Variants in APBA1 observed in about 807,000 individuals in gnomAD.
APBA1 encodes amyloid-beta A4 precursor protein-binding family A member 1.
A neutral mutation model predicts 86.6 loss-of-function variants in APBA1; 55 were observed. The observed-to-expected ratio is 0.64, with a 90% CI of 0.51 to 0.80. The LOEUF is 0.80. Among genes scored for constraint, APBA1 ranks in the 30% least tolerant of loss-of-function variants. APBA1 has a pLI of 0.00. For missense variants in APBA1, 1,090 were observed against 1,183.0 expected (o/e 0.92, Z 1.15); for synonymous variants, 511 against 493.9 (o/e 1.03, Z -0.46).
chr9:69,576,064 T>G (rs913881468), intron 1 of APBA1, among the ~76,000 whole-genome samples: 1 of 152,122 alleles, frequency 6.6e-6, no homozygotes, highest in African/African-American at 2.4e-5. Context: ...AACAGACACT[T>G]CTCAAAAGAA....
chr9:69,654,007 T>G, intron 1 of APBA1, among the ~76,000 whole-genome samples: 1 of 148,918 alleles, frequency 6.7e-6, no homozygotes, highest in East Asian at 2.0e-4. Context: ...CCTGGCTACA[T>G]GGGAAGCTGA....
chr9:69,590,868 G>A (rs965021972), intron 1 of APBA1, among the ~76,000 whole-genome samples: 1 of 152,204 alleles, frequency 6.6e-6, no homozygotes, highest in African/African-American at 2.4e-5. Flanking sequence ...TATTCTGCAT[G>A]TTTTAATCTT....
chr9:69,612,842 T>C (rs1298331841), intron 1 of APBA1, among the ~76,000 whole-genome samples: 1 of 152,026 alleles, frequency 6.6e-6, no homozygotes, highest in African/African-American at 2.4e-5. Flanking sequence ...AGAAAGAGGA[T>C]AGAAATGAAC....
chr9:69,551,852 T>C (rs1836790273), intron 1 of APBA1, among the ~76,000 whole-genome samples: 2 of 152,222 alleles, frequency 1.3e-5, no homozygotes, highest in Non-Finnish European at 2.9e-5. Context: ...TAATCTTCGC[T>C]GTACAGACAG....
At chr9:69,603,573 T>C (rs1822398307) in intron 1 of APBA1, among the ~76,000 whole-genome samples, 1 of 152,244 alleles carries the variant, frequency 6.6e-6, no homozygotes, top group Non-Finnish European at 1.5e-5. Flanking sequence ...CATATCTTTA[T>C]ACATAAATAC....
At chr9:69,522,655 A>G (rs1483814081) in intron 1 of APBA1, among the ~76,000 whole-genome samples, 1 of 152,258 alleles carries the variant, frequency 6.6e-6, no homozygotes, top group East Asian at 1.9e-4. Flanking sequence ...ATACAAAAGC[A>G]GCCCAGAGTT....
rs1564077235 is a variant in APBA1, at chr9:69,559,913, A to G, written c.-69-42634T>C. Reference sequence around the variant, plus strand: ...CCAACATACATCTTTCCATTGAGACAATCTCCCCCAAGCATCTGCATCACT... The same window carrying G: ...CCAACATACATCTTTCCATTGAGACGATCTCCCCCAAGCATCTGCATCACT... On this transcript the variant is annotated intron_variant, in intron 1 of 12. Coordinates refer to ENST00000265381, the MANE Select transcript of APBA1 (RefSeq NM_001163.4). 2.6e-5 allele frequency among the ~76,000 whole-genome samples: 4 copies of G among 152,276 alleles called. No homozygotes were observed. The East Asian group carries it at 7.7e-4, about 29-fold the overall frequency.
chr9:69,588,754 G>A (rs1415519809), intron 1 of APBA1, among the ~76,000 whole-genome samples: 1 of 152,120 alleles, frequency 6.6e-6, no homozygotes, highest in African/African-American at 2.4e-5. Flanking sequence ...CATTATGCTA[G>A]GAGCTTTACA....
intron 2 of APBA1, among the ~76,000 whole-genome samples, chr9:69,510,345 C>T (rs2133881342): frequency 6.6e-6 from 1 of 150,988 alleles, no homozygotes; most frequent in African/African-American, 2.4e-5. Flanking sequence ...AATAAAATAC[C>T]TAGGAATCCA....
chr9:69,459,102 C>G (rs537898548), intron 5 of APBA1, among the ~76,000 whole-genome samples: 1 of 152,196 alleles, frequency 6.6e-6, no homozygotes, highest in Non-Finnish European at 1.5e-5. Context: ...CCGCGCCTGG[C>G]CTCTAGTTAT....
In APBA1 at chr9:69,452,223, G is replaced by A; in HGVS notation, c.1867C>T (p.Pro623Ser). Reference protein sequence around the residue: ...QEFLRANGINPEDLSQKEYSD... With the variant: ...QEFLRANGINSEDLSQKEYSD... ...TACTCCTTCTGGCTGAGATCTTCGG[G>A]GTTAATCCCATTGGCCCTGAGGAAT... Residue 623 changes from proline (P) to serine (S), a missense_variant, in exon 9 of 13, where the codon CCC becomes TCC. Physicochemically the swap from Pro to Ser is moderately conservative, Grantham distance 74. Around this residue, in one of 6 missense-constraint regions of APBA1, gnomAD observed 97 missense variants for 166.8 expected, o/e 0.58. Transcript: ENST00000265381. The A allele has an allele frequency of 6.2e-7, 1 of 1,614,184 alleles. No individual in the cohort carries two copies.
chr9:69,671,831 T>C (rs983633615), intron 1 of APBA1, among the ~76,000 whole-genome samples: 3 of 152,086 alleles, frequency 2.0e-5, no homozygotes, highest in Non-Finnish European at 4.4e-5. Context: ...TCCCCTCTGC[T>C]GTACCTTTTA....
intron 1 of APBA1, among the ~76,000 whole-genome samples, chr9:69,535,429 G>A (rs2133911375): frequency 6.6e-6 from 1 of 152,212 alleles, no homozygotes; most frequent in Non-Finnish European, 1.5e-5. Flanking sequence ...CTTTCAATAT[G>A]TTTTTCTTAT....
intron 1 of APBA1, among the ~76,000 whole-genome samples, chr9:69,571,035 C>T (rs994610061): frequency 9.9e-5 from 15 of 152,118 alleles, no homozygotes; most frequent in African/African-American, 3.6e-4. Flanking sequence ...ATTCTAATCC[C>T]AGCTCTCCTT....
intron 1 of APBA1, among the ~76,000 whole-genome samples, chr9:69,559,929 C>G (rs1382156744): frequency 6.6e-6 from 1 of 152,208 alleles, no homozygotes; most frequent in African/African-American, 2.4e-5. Flanking sequence ...CCCCAAGCAT[C>G]TGCATCACTA....
intron 1 of APBA1, among the ~76,000 whole-genome samples, chr9:69,525,261 A>C (rs1462026152): frequency 6.6e-6 from 1 of 152,220 alleles, no homozygotes; most frequent in Non-Finnish European, 1.5e-5. Context: ...AATTAAAGGC[A>C]TCAAAATAGG....
At chr9:69,597,366 T>C (rs1339334262) in intron 1 of APBA1, among the ~76,000 whole-genome samples, 2 of 152,196 alleles carry the variant, frequency 1.3e-5, no homozygotes, top group African/African-American at 4.8e-5. Flanking sequence ...TGGGGTTGTT[T>C]TTTTCTTGTA....
chr9:69,658,242 T>TTC (rs1416396587), intron 1 of APBA1, among the ~76,000 whole-genome samples: 1 of 19,650 alleles, frequency 5.1e-5, no homozygotes, highest in African/African-American at 7.3e-5. Context: ...CTTTCTTTCT[T>TTC]TCTTTCTTTC....
At chr9:69,605,283 T>C (rs1822449815) in intron 1 of APBA1, among the ~76,000 whole-genome samples, 1 of 152,098 alleles carries the variant, frequency 6.6e-6, no homozygotes, top group African/African-American at 2.4e-5. Context: ...AAAAAAATTA[T>C]CTCAGGCCTC....
Sources: gnomAD v4.1 joint callset for allele counts (sites outside exome capture counted in the v4.1 genomes callset) on GRCh38, gnomAD v4.1.1 for gene constraint, gnomAD v4.1.1 regional missense constraint, MANE v1.5 for transcripts, NCBI Gene and HGNC (gene_info 2026-07-23, HGNC 2026-07-21) for gene names.